LUZP1: variants seen among roughly 807,000 people sequenced by gnomAD.
LUZP1 encodes filamin mechanobinding actin cross-linking protein.
In LUZP1, 25 loss-of-function variants were observed where a neutral mutation model predicts 71.3. The observed-to-expected ratio is 0.35, with a 90% CI of 0.26 to 0.49. The LOEUF is 0.49. Among genes scored for constraint, LUZP1 ranks in the 20% least tolerant of loss-of-function variants. The pLI is 0.99. For synonymous variants in LUZP1, 481 were observed against 506.4 expected (o/e 0.95, Z 0.67); for missense variants, 1,142 against 1,300.8 (o/e 0.88, Z 1.88).
At chr1:23,144,181 CTT>C (rs36058718) in intron 2 of LUZP1, among the ~76,000 whole-genome samples, 1 of 152,196 alleles carries the variant, frequency 6.6e-6, no homozygotes, top group African/African-American at 2.4e-5. Flanking sequence ...AAAGACTCTT[CTT>C]TTCAGGTTTT....
chr1:23,158,520 G>T (rs1194871391), intron 2 of LUZP1, among the ~76,000 whole-genome samples: 1 of 151,890 alleles, frequency 6.6e-6, no homozygotes, highest in Admixed American at 6.6e-5. Flanking sequence ...GGTGGCAGGC[G>T]CCTGTAATCC....
At chr1:23,166,704 T>C (rs1267586614) in intron 2 of LUZP1, among the ~76,000 whole-genome samples, 1 of 141,112 alleles carries the variant, frequency 7.1e-6, no homozygotes, top group Admixed American at 7.1e-5. Flanking sequence ...CCTCACAAAA[T>C]TCTTGGGAAG....
At position 23,094,982 on chromosome 1, in the gene LUZP1, G is replaced by A. The variant is rs1643885021; in HGVS notation, c.-119-602C>T. On this transcript the variant is annotated intron_variant, in intron 3 of 4. Transcript: ENST00000302291. The surrounding 1 kb of genome is among the most constrained non-coding windows in gnomAD (Gnocchi z 4.7). Reference sequence around the variant, plus strand: ...ATTTTCAACATCTCTTCTCCCAAAAGTATATTTGTAAGTGGAATTCAGGTG... The same window carrying A: ...ATTTTCAACATCTCTTCTCCCAAAAATATATTTGTAAGTGGAATTCAGGTG... Among the ~76,000 whole-genome samples, 1 of 152,094 alleles carries A rather than the reference G, an allele frequency of 6.6e-6. No individual in the cohort carries two copies.
At chr1:23,142,700 T>C (rs9426804) in intron 2 of LUZP1, among the ~76,000 whole-genome samples, 10,800 of 102,968 alleles carry the variant, frequency 0.1, 515 homozygotes, top group Non-Finnish European at 0.12. Context: ...TATATATATA[T>C]ACACACACAC....
chr1:23,164,255 G>A (rs1445244677), intron 2 of LUZP1, among the ~76,000 whole-genome samples: 1 of 152,144 alleles, frequency 6.6e-6, no homozygotes, highest in Non-Finnish European at 1.5e-5. Context: ...CAGCACTTTG[G>A]GAGGCCGAAG....
In LUZP1 at chr1:23,100,200, C is replaced by T. The variant is rs35406425; in HGVS notation, c.-119-5820G>A. The stretch of plus-strand genomic sequence containing the variant: ...CAGGGAGCCTAGCACACAGGGAATG[C>T]TGAAAATTCGATGAATTTGACTGAT... On this transcript the variant is annotated intron_variant, in intron 3 of 4. Coordinates refer to ENST00000302291, the Ensembl canonical transcript of LUZP1. Among the ~76,000 whole-genome samples, 1,256 of 152,364 alleles carry T rather than the reference C, an allele frequency of 8.2e-3. 10 individuals are homozygous for T. The highest frequency in any genetic ancestry group is 0.02 in the Middle Eastern group (6 of 294).
chr1:23,172,933 C>T (rs1644560759), intron 1 of LUZP1, among the ~76,000 whole-genome samples: 1 of 151,916 alleles, frequency 6.6e-6, no homozygotes, highest in Non-Finnish European at 1.5e-5. Context: ...AGCAATTCTC[C>T]TTCCCCAGCC....
chr1:23,091,563 C>G, exon 4 of LUZP1: 1 of 1,614,172 alleles, frequency 6.2e-7, no homozygotes, highest in Non-Finnish European at 8.5e-7. Context: ...GCTTTTCCAC[C>G]TGATTGTCTC....
chr1:23,134,737 C>T (rs1370711022), intron 2 of LUZP1, among the ~76,000 whole-genome samples: 1 of 152,150 alleles, frequency 6.6e-6, no homozygotes, highest in Admixed American at 6.5e-5. Context: ...GAGCCATGAT[C>T]AGGCCACTAT....
At chr1:23,159,202 G>A (rs554432209) in intron 2 of LUZP1, among the ~76,000 whole-genome samples, 153 of 151,876 alleles carry the variant, frequency 1.0e-3, no homozygotes, top group African/African-American at 3.5e-3. Flanking sequence ...TTAGCCAGGC[G>A]TGGTGGCGGG....
At chr1:23,168,174 C>CG (rs1347978644) in intron 2 of LUZP1, among the ~76,000 whole-genome samples, 6 of 145,172 alleles carry the variant, frequency 4.1e-5, no homozygotes, top group South Asian at 2.1e-4. Context: ...CCGCGGCCCG[C>CG]GCCCCGCGCC....
At chr1:23,136,283 G>A (rs1644251985) in intron 2 of LUZP1, among the ~76,000 whole-genome samples, 1 of 138,254 alleles carries the variant, frequency 7.2e-6, no homozygotes, top group Middle Eastern at 3.6e-3. Flanking sequence ...GAGGCGGGCA[G>A]ATTCCGTCTT....
chr1:23,121,788 G>T (rs1350208577), intron 2 of LUZP1, among the ~76,000 whole-genome samples: 2 of 152,004 alleles, frequency 1.3e-5, no homozygotes, highest in African/African-American at 4.8e-5. Flanking sequence ...AAGGCAGGTG[G>T]ATCACCTGAG....
rs189855185 is a variant in LUZP1 at position 23,127,555 on chromosome 1, G to A, written c.-225-18428C>T. The stretch of plus-strand genomic sequence containing the variant: ...TTGTTTTGTTTTGAGACGGAGTCTC[G>A]CTCTGTGGCCCAGGCTGGAGTGCAG... On this transcript the variant is annotated intron_variant, in intron 2 of 4. Coordinates refer to ENST00000302291, the Ensembl canonical transcript of LUZP1. Among the ~76,000 whole-genome samples, 1,212 of 152,168 alleles carry A rather than the reference G, an allele frequency of 8.0e-3. 10 individuals are homozygous for A. The highest frequency in any genetic ancestry group is 0.011 in the Non-Finnish European group (745 of 68,006).
chr1:23,138,691 G>GTA (rs1644275307), intron 2 of LUZP1, among the ~76,000 whole-genome samples: 9 of 106,324 alleles, frequency 8.5e-5, no homozygotes, highest in Middle Eastern at 4.2e-3. Context: ...GTGTGTGTGT[G>GTA]TGTGTGTATA....
rs1297569983 is a variant in LUZP1 at position 23,101,627 on chromosome 1, A to G, written c.-119-7247T>C. On this transcript the variant is annotated intron_variant, in intron 3 of 4. Transcript: ENST00000302291. ...TTCATCAGGGAAAATCCTCCTAAAA[A>G]TAGTGATTCACTAAGATCATCCCTT... is the stretch of plus-strand genomic sequence containing the variant. Among the ~76,000 whole-genome samples the G allele has an allele frequency of 2.6e-5, 4 of 152,242 alleles. No homozygotes were observed. In the East Asian group the frequency reaches 5.8e-4, roughly 22 times the overall value.
intron 2 of LUZP1, among the ~76,000 whole-genome samples, chr1:23,143,014 T>C (rs1644317054): frequency 6.6e-6 from 1 of 151,948 alleles, no homozygotes; most frequent in Admixed American, 6.6e-5. Context: ...ATTTTTTTTT[T>C]CTTTTTTGTT....
intron 3 of LUZP1, among the ~76,000 whole-genome samples, chr1:23,104,439 C>T (rs1302979222): frequency 1.3e-5 from 2 of 152,132 alleles, no homozygotes; most frequent in East Asian, 3.9e-4. Flanking sequence ...AAGCCTCGGC[C>T]TCCCAAAGTG....
At chr1:23,091,325 T>C in exon 4 of LUZP1, 1 of 1,614,120 alleles carries the variant, frequency 6.2e-7, no homozygotes, top group Non-Finnish European at 8.5e-7. Flanking sequence ...CTGAACTTGG[T>C]CCTACCCTTC....
Sources: allele counts gnomAD v4.1 joint callset (sites outside exome capture counted in the v4.1 genomes callset), GRCh38; gene constraint gnomAD v4.1.1; non-coding constraint Gnocchi (gnomAD v3.1); transcripts MANE v1.5; gene names NCBI Gene and HGNC (gene_info 2026-07-23, HGNC 2026-07-21).